Variants in SCUBE2 observed in about 807,000 individuals in gnomAD.
SCUBE2 encodes signal peptide, CUB and EGF-like domain-containing protein 2.
A neutral mutation model predicts 125.9 loss-of-function variants in SCUBE2; 114 were observed. The observed-to-expected ratio is 0.91, with a 90% CI of 0.78 to 1.06. The LOEUF (loss-of-function observed/expected upper bound fraction) is 1.06, where lower values mean the gene tolerates loss of function less well. Ranked by LOEUF, SCUBE2 falls within the 50% of genes least tolerant of loss-of-function variation. SCUBE2 has a pLI of 0.00. For missense variants in SCUBE2, 1,255 were observed against 1,301.8 expected (o/e 0.96, Z 0.55); for synonymous variants, 459 against 492.9 (o/e 0.93, Z 0.91).
intron 19 of SCUBE2, 76 bp from the exon 20 acceptor site, chr11:9,027,637 C>T (rs1855905916): frequency 1.0e-5 from 13 of 1,292,528 alleles, no homozygotes; most frequent in South Asian, 1.4e-5. Context: ...TGCCGAGCCC[C>T]GCAGCACCCC....
At chr11:9,036,866 G>A (rs1280666779) in intron 16 of SCUBE2, among the ~76,000 whole-genome samples, 1 of 152,180 alleles carries the variant, frequency 6.6e-6, no homozygotes, top group Admixed American at 6.5e-5. Context: ...TTAACTGCTC[G>A]AAGTGCCAAG....
intron 16 of SCUBE2, 145 bp from the exon 17 acceptor site, chr11:9,033,941 T>G: frequency 4.0e-6 from 3 of 758,096 alleles, no homozygotes; most frequent in Non-Finnish European, 6.5e-6. Context: ...GTGCCCTGCC[T>G]TGGTTCTCTC....
chr11:9,071,025 T>C (rs1860748184), intron 4 of SCUBE2, among the ~76,000 whole-genome samples: 1 of 152,176 alleles, frequency 6.6e-6, no homozygotes, highest in Admixed American at 6.5e-5. Flanking sequence ...ATTCCGAAGA[T>C]GTGATTTGCA....
At chr11:9,065,410 C>A (rs1457527026) in intron 7 of SCUBE2, among the ~76,000 whole-genome samples, 1 of 152,236 alleles carries the variant, frequency 6.6e-6, no homozygotes, top group Non-Finnish European at 1.5e-5. Flanking sequence ...AAGAAGGTAC[C>A]TTGCTTCCCC....
At chr11:9,046,778 G>T (rs1857821644) in intron 16 of SCUBE2, among the ~76,000 whole-genome samples, 1 of 152,212 alleles carries the variant, frequency 6.6e-6, no homozygotes, top group Admixed American at 6.5e-5. Context: ...CCAGCCTCTT[G>T]TAGACAGTTA....
At position 9,089,135 on chromosome 11, in the gene SCUBE2, G is replaced by T. The variant is rs186841894; in HGVS notation, c.256+572C>A. On this transcript the variant is annotated intron_variant, in intron 2 of 22. Transcript: ENST00000649792. Reference sequence around the variant, plus strand: ...CAAACCACAGGTTCTCAGACCTGCAGCTCTATGGGCTAAAATGCCCCTCTG... The same window carrying T: ...CAAACCACAGGTTCTCAGACCTGCATCTCTATGGGCTAAAATGCCCCTCTG... Among the ~76,000 whole-genome samples the T allele has an allele frequency of 1.3e-4, 20 of 152,340 alleles. No homozygotes were observed. In the East Asian group the frequency reaches 2.1e-3, roughly 16 times the overall value.
chr11:9,071,399 G>A (rs1860792550), intron 4 of SCUBE2, among the ~76,000 whole-genome samples: 1 of 152,172 alleles, frequency 6.6e-6, no homozygotes, highest in Admixed American at 6.5e-5. Flanking sequence ...ACCACATCAA[G>A]CTACACCTGA....
chr11:9,023,134 GC>G, intron 21 of SCUBE2, among the ~76,000 whole-genome samples: 1 of 152,280 alleles, frequency 6.6e-6, no homozygotes, highest in South Asian at 2.1e-4. Flanking sequence ...TTAAGCATAT[GC>G]AAAGCACAAT....
intron 6 of SCUBE2, among the ~76,000 whole-genome samples, 177 bp downstream of exon 6, chr11:9,066,520 G>A (rs1421322920): frequency 6.6e-6 from 1 of 152,188 alleles, no homozygotes; most frequent in Non-Finnish European, 1.5e-5. Context: ...AGGGAGAGAG[G>A]GGCCTTCCCC....
intron 8 of SCUBE2, 78 bp from the exon 9 acceptor site, chr11:9,059,503 T>A (rs189356899): frequency 6.6e-7 from 1 of 1,512,206 alleles, no homozygotes; most frequent in African/African-American, 1.4e-5. Flanking sequence ...GGCCATTGTG[T>A]GTGTTCATTA....
At chr11:9,036,101 G>A (rs1856733136) in intron 16 of SCUBE2, among the ~76,000 whole-genome samples, 2 of 152,122 alleles carry the variant, frequency 1.3e-5, no homozygotes, top group Non-Finnish European at 2.9e-5. Flanking sequence ...TGCCAGCCTG[G>A]CTGGTCTCGA....
chr11:9,064,786 ATGT>A (rs1313441773), intron 7 of SCUBE2: 5 of 152,214 alleles, frequency 3.3e-5, no homozygotes, highest in African/African-American at 1.2e-4. Context: ...GCTGTATGAT[ATGT>A]TGCCTGACTG....
intron 19 of SCUBE2, 63 bp downstream of exon 19, chr11:9,029,821 G>A: frequency 6.3e-7 from 1 of 1,591,514 alleles, no homozygotes; most frequent in Non-Finnish European, 8.6e-7. Flanking sequence ...CCCCTGCTCT[G>A]AGGTGGACCC....
intron 9 of SCUBE2, among the ~76,000 whole-genome samples, chr11:9,056,773 C>T (rs1859131273): frequency 1.3e-5 from 2 of 152,196 alleles, no homozygotes; most frequent in African/African-American, 2.4e-5. Flanking sequence ...AACATAGTTA[C>T]GACTTGTGTC....
At chr11:9,041,358 C>A (rs1359208687) in intron 16 of SCUBE2, among the ~76,000 whole-genome samples, 2 of 152,122 alleles carry the variant, frequency 1.3e-5, no homozygotes, top group Admixed American at 6.5e-5. Context: ...GTATTTAAAG[C>A]TATGGCACTG....
In SCUBE2 at chr11:9,079,465, C is replaced by A; in HGVS notation, c.301G>T (p.Asp101Tyr). The A allele has an allele frequency of 6.2e-7, 1 of 1,614,084 alleles. No homozygotes were observed. Among genetic ancestry groups the A allele is most frequent in the Non-Finnish European group, 8.5e-7 (1 of 1,179,958 alleles). Residue 101 changes from aspartate to tyrosine, a missense_variant, in exon 3 of 23, where the codon GAC (aspartate) becomes TAC (tyrosine). Asp to Tyr is a radical substitution (Grantham distance 160). Around this residue, in one of 3 missense-constraint regions of SCUBE2, gnomAD observed 362 missense variants for 323.0 expected, o/e 1.12. Coordinates refer to ENST00000649792, the MANE Select transcript of SCUBE2 (RefSeq NM_001367977.2). ...GNELNGGCVH[D>Y]CLNIPGNYRC... ...TAATTGCCTGGAATATTCAAACAGT[C>A]ATGGACACAGCCTCCATTGAGCTCA...
chr11:9,068,614 TA>T (rs1860486362), intron 5 of SCUBE2, among the ~76,000 whole-genome samples: 2 of 152,166 alleles, frequency 1.3e-5, no homozygotes, highest in Admixed American at 6.5e-5. Flanking sequence ...AGGCTTCTGA[TA>T]GCAGAGGATG....
rs962432143 is a variant in SCUBE2 at position 9,020,274 on chromosome 11, C to T, written c.*771G>A. The T allele has an allele frequency of 2.0e-5, 3 of 152,296 alleles. No homozygotes were observed. The highest frequency in any genetic ancestry group is 4.8e-5 in the African/African-American group (2 of 41,452). 9.4% of individuals were successfully genotyped at this position (152,296 alleles called of 1,614,324 possible). ...CACCTGAACTCCCCAGTCCCTCAGG[C>T]AATGGCCAGCAGAGTGTCAGAGGGC... On this transcript the variant is annotated 3_prime_UTR_variant, in exon 23 of 23. Coordinates refer to ENST00000649792, the MANE Select transcript of SCUBE2 (RefSeq NM_001367977.2).
intron 13 of SCUBE2, among the ~76,000 whole-genome samples, chr11:9,051,237 CCTATCTAT>C (rs796910729): frequency 1.3e-5 from 2 of 150,292 alleles, no homozygotes; most frequent in African/African-American, 2.5e-5. Context: ...TACCTACCTA[CCTATCTAT>C]CTATCTATCT....
Sources: allele counts gnomAD v4.1 joint callset (sites outside exome capture counted in the v4.1 genomes callset), GRCh38; gene constraint gnomAD v4.1.1; regional missense constraint gnomAD v4.1.1; transcripts MANE v1.5; gene names NCBI Gene and HGNC (gene_info 2026-07-23, HGNC 2026-07-21).